LNP1: variants seen among roughly 807,000 people sequenced by gnomAD.
LNP1 encodes leukemia NUP98 fusion partner 1.
A neutral mutation model predicts 14.5 loss-of-function variants in LNP1; 12 were observed. The ratio of observed to expected loss-of-function variants is 0.83; its 90% CI spans 0.53 to 1.34. The LOEUF (loss-of-function observed/expected upper bound fraction) is 1.34, where lower values mean the gene tolerates loss of function less well. LNP1 is among the 40% of genes most tolerant of loss of function. The pLI, the probability that LNP1 is intolerant of heterozygous loss-of-function variation, is 0.00. For synonymous variants in LNP1, 75 were observed against 71.4 expected, an observed-to-expected ratio of 1.05 and a Z score of -0.26; for missense variants, 198 against 210.9, an observed-to-expected ratio of 0.94 and a Z score of 0.38.
intron 1 of LNP1, among the ~76,000 whole-genome samples, chr3:100,426,371 A>T (rs2148902686): frequency 6.6e-6 from 1 of 152,316 alleles, no homozygotes. Flanking sequence ...GGCAATTAGG[A>T]TCTATGAATT....
chr3:100,430,268 C>G (rs1305278916), intron 2 of LNP1, among the ~76,000 whole-genome samples: 1 of 152,140 alleles, frequency 6.6e-6, no homozygotes, highest in Non-Finnish European at 1.5e-5. Context: ...GAAAATTGTT[C>G]CACTCTTTGG....
intron 1 of LNP1, among the ~76,000 whole-genome samples, chr3:100,414,410 G>T (rs1277464117): frequency 6.6e-6 from 1 of 152,080 alleles, no homozygotes. Flanking sequence ...AGCTGGGCAT[G>T]GTGGCAGGCA....
rs2148909757 is a variant in LNP1, at chr3:100,456,097, A to G, written c.*171A>G. 6.7e-6 allele frequency: 4 copies of G among 600,440 alleles called. No individual in the cohort carries two copies. The highest frequency in any genetic ancestry group is 2.9e-5 in the East Asian group (1 of 34,146). The allele number at this position is 600,440 out of a possible 1,614,324, so 37.2% of individuals were successfully genotyped here. Reference sequence around the variant, plus strand: ...GTGGGCAGGGTATGTAGCTGCTCCAAGATGACTTGCATCATACCCCAATTA... The same window carrying G: ...GTGGGCAGGGTATGTAGCTGCTCCAGGATGACTTGCATCATACCCCAATTA... On this transcript the variant is annotated 3_prime_UTR_variant, in exon 4 of 4. Coordinates refer to ENST00000383693, the MANE Select transcript of LNP1 (RefSeq NM_001085451.2).
At chr3:100,412,780 A>G (rs868081004) in intron 1 of LNP1, among the ~76,000 whole-genome samples, 1 of 152,082 alleles carries the variant, frequency 6.6e-6, no homozygotes, top group Non-Finnish European at 1.5e-5. Flanking sequence ...ATTCATTCTC[A>G]TATCTGCTGC....
rs57883491 is a variant in LNP1 at position 100,454,903 on chromosome 3, T to G, written c.388-874T>G. 7.5e-3 allele frequency among the ~76,000 whole-genome samples: 1,139 copies of G among 152,110 alleles called. 18 individuals carry two copies. The highest frequency in any genetic ancestry group is 0.026 in the African/African-American group (1,082 of 41,486). ...ACTTCACCTGATAAGCACTCAGGGG[T>G]TTCCCAACATTTCTAGTTCAAACAG... On this transcript the variant is annotated intron_variant, in intron 3 of 3. Coordinates refer to ENST00000383693, the MANE Select transcript of LNP1 (RefSeq NM_001085451.2).
At chr3:100,453,333 C>T (rs1351787831) in intron 3 of LNP1, among the ~76,000 whole-genome samples, 1 of 151,824 alleles carries the variant, frequency 6.6e-6, no homozygotes, top group East Asian at 1.9e-4. Context: ...GTAATCCCAG[C>T]ACTTTGGAAG....
chr3:100,438,746 G>T (rs1707315350), intron 2 of LNP1, among the ~76,000 whole-genome samples: 1 of 152,012 alleles, frequency 6.6e-6, no homozygotes, highest in African/African-American at 2.4e-5. Context: ...CAGTGTACAG[G>T]GCAGTCATTT....
intron 1 of LNP1, among the ~76,000 whole-genome samples, chr3:100,410,931 A>C (rs780133033): frequency 1.1e-4 from 16 of 151,992 alleles, no homozygotes; most frequent in Non-Finnish European, 2.2e-4. Context: ...GTGCCCTTCC[A>C]GTTTTGGTGG....
At chr3:100,412,774 A>G (rs1707042545) in intron 1 of LNP1, among the ~76,000 whole-genome samples, 1 of 152,136 alleles carries the variant, frequency 6.6e-6, no homozygotes, top group African/African-American at 2.4e-5. Flanking sequence ...ATAATTATTC[A>G]TTCTCATATC....
At chr3:100,404,814 A>G (rs1458805434) in intron 1 of LNP1, among the ~76,000 whole-genome samples, 1 of 135,090 alleles carries the variant, frequency 7.4e-6, no homozygotes, top group Admixed American at 7.7e-5. Context: ...TTTTTCCAAG[A>G]TGGAATTTCG....
At chr3:100,444,593 A>T (rs2148906845) in intron 2 of LNP1, among the ~76,000 whole-genome samples, 1 of 152,348 alleles carries the variant, frequency 6.6e-6, no homozygotes, top group East Asian at 1.9e-4. Flanking sequence ...AAAATTTGTC[A>T]AATATCCAAG....
chr3:100,455,081 G>A (rs776105730), intron 3 of LNP1, among the ~76,000 whole-genome samples: 11 of 152,134 alleles, frequency 7.2e-5, no homozygotes, highest in Non-Finnish European at 1.6e-4. Flanking sequence ...CCCTCCAGTA[G>A]GTCCCTATCA....
rs756129998 is a variant in LNP1 at position 100,438,556 on chromosome 3, C to T, written c.156+8671C>T. Among the ~76,000 whole-genome samples the T allele has an allele frequency of 2.5e-4, 38 of 152,254 alleles. 1 individual carries two copies. The highest frequency in any genetic ancestry group is 7.7e-4 in the East Asian group (4 of 5,186). ...GGGTTTGTACAAATGTATAATGGCA[C>T]GCACCTACCATTATAGTGGCATACA... On this transcript the variant is annotated intron_variant, in intron 2 of 3. Transcript: ENST00000383693.
At chr3:100,429,943 TAG>T in intron 2 of LNP1, 58 bp downstream of exon 2, 1 of 1,538,614 alleles carries the variant, frequency 6.5e-7, no homozygotes, top group East Asian at 2.3e-5. Context: ...GGGTTTCTCT[TAG>T]ATAATTTTTT....
At chr3:100,430,013 C>A in intron 2 of LNP1, 128 bp downstream of exon 2, 1 of 870,884 alleles carries the variant, frequency 1.1e-6, no homozygotes, top group Non-Finnish European at 1.7e-6. Context: ...CTGAGTCTTT[C>A]TCATACCCAC....
intron 1 of LNP1, among the ~76,000 whole-genome samples, chr3:100,416,601 G>T (rs760808226): frequency 0.092 from 5,313 of 57,918 alleles, 133 homozygotes; most frequent in Non-Finnish European, 0.11. Flanking sequence ...TATCTTTTTT[G>T]TGTGTGTGTG....
chr3:100,437,702 A>C (rs1432744939), intron 2 of LNP1, among the ~76,000 whole-genome samples: 1 of 152,174 alleles, frequency 6.6e-6, no homozygotes. Context: ...CTTCATATAA[A>C]ATTCTTTCAG....
intron 1 of LNP1, among the ~76,000 whole-genome samples, chr3:100,414,284 T>A (rs1214248813): frequency 6.6e-6 from 1 of 152,142 alleles, no homozygotes; most frequent in Non-Finnish European, 1.5e-5. Context: ...CGGTGGCTCA[T>A]GCCTGTGATC....
chr3:100,419,115 T>C (rs1438786874), intron 1 of LNP1, among the ~76,000 whole-genome samples: 2 of 152,212 alleles, frequency 1.3e-5, no homozygotes, highest in African/African-American at 4.8e-5. Flanking sequence ...CTTAGTTTTG[T>C]CGTAGAGCTG....
Sources: allele counts gnomAD v4.1 joint callset (sites outside exome capture counted in the v4.1 genomes callset), GRCh38; gene constraint gnomAD v4.1.1; transcripts MANE v1.5; gene names NCBI Gene and HGNC (gene_info 2026-07-23, HGNC 2026-07-21).